Variants in ANOS1 observed in about 807,000 individuals in gnomAD.
ANOS1 encodes anosmin 1, also known as anosmin-1.
A neutral mutation model predicts 59.0 loss-of-function variants in ANOS1; 6 were observed. That is an observed-to-expected ratio of 0.10 (90% confidence interval 0.06 to 0.20). The LOEUF (loss-of-function observed/expected upper bound fraction) is 0.20. Ranked by LOEUF, ANOS1 falls within the 10% of genes least tolerant of loss-of-function variation. The pLI, the probability that ANOS1 is intolerant of heterozygous loss-of-function variation, is 1.00. For missense variants in ANOS1, 433 were observed against 542.3 expected, an observed-to-expected ratio of 0.80 and a Z score of 2.00; for synonymous variants, 217 against 223.4, an observed-to-expected ratio of 0.97 and a Z score of 0.25.
intron 3 of ANOS1, among the ~76,000 whole-genome samples, chrX:8,606,110 A>C (rs1369226428): frequency 4.6e-4 from 52 of 112,251 alleles, no homozygotes; most frequent in Admixed American, 4.6e-3. Context: ...AGTAATACTT[A>C]TAGAAGAAAA....
At chrX:8,629,814 G>T (rs1205979899) in intron 2 of ANOS1, among the ~76,000 whole-genome samples, 4 of 112,088 alleles carry the variant, frequency 3.6e-5, no homozygotes, top group Non-Finnish European at 7.5e-5. Flanking sequence ...AGCAAAAAAG[G>T]TTCACACGAA....
intron 4 of ANOS1, among the ~76,000 whole-genome samples, chrX:8,596,430 C>T (rs1401741517): frequency 2.3e-4 from 26 of 111,914 alleles, no homozygotes; most frequent in Non-Finnish European, 9.4e-5. Context: ...AAATGATCAG[C>T]AGCACTCGAT....
chrX:8,685,493 A>G (rs1175753544), intron 2 of ANOS1, among the ~76,000 whole-genome samples: 7 of 105,985 alleles, frequency 6.6e-5, no homozygotes, highest in South Asian at 4.4e-4. Context: ...AGAAAAGAAG[A>G]GAAGAGAAGA....
intron 8 of ANOS1, among the ~76,000 whole-genome samples, chrX:8,564,105 A>C (rs1930073548): frequency 8.9e-6 from 1 of 111,830 alleles, no homozygotes; most frequent in Admixed American, 9.5e-5. Flanking sequence ...CCAATGTCCA[A>C]GAGCCGGATG....
At position 8,539,715 on chromosome X, in the gene ANOS1, C is replaced by A. The variant is rs747674754; in HGVS notation, c.1398G>T (p.Ala466=). 8.3e-7 allele frequency: 1 copy of A among 1,211,299 alleles called. No individual in the cohort carries two copies. Among genetic ancestry groups the A allele is most frequent in the South Asian group, 1.8e-5 (1 of 56,949 alleles). Reference sequence around the variant, plus strand: ...ATCCGGTTGTTCTGTTGTGGGCACACGCTTCAGGAAACCACCGCACATGAT... The same window carrying A: ...ATCCGGTTGTTCTGTTGTGGGCACAAGCTTCAGGAAACCACCGCACATGAT... ...NRYHVRWFPE[A]CAHNRTTGSE... Residue 466 remains alanine, a synonymous_variant, in exon 10 of 14, where the codon GCG becomes GCT. Transcript: ENST00000262648.
At chrX:8,601,377 C>T (rs945709143) in intron 3 of ANOS1, among the ~76,000 whole-genome samples, 9 of 110,719 alleles carry the variant, frequency 8.1e-5, no homozygotes, top group Non-Finnish European at 1.7e-4. Context: ...ATCCTGTATT[C>T]GTATATTATT....
chrX:8,693,776 T>C (rs1282553703), intron 2 of ANOS1, among the ~76,000 whole-genome samples: 2 of 99,363 alleles, frequency 2.0e-5, no homozygotes, highest in Admixed American at 2.2e-4. Flanking sequence ...TCTCACTCTG[T>C]CGCCAGGCTG....
At chrX:8,704,992 T>A (rs777694905) in intron 1 of ANOS1, among the ~76,000 whole-genome samples, 34 of 111,613 alleles carry the variant, frequency 3.0e-4, no homozygotes, top group African/African-American at 1.0e-3. Context: ...AAAATACAAA[T>A]AAAACTTGCA....
chrX:8,683,470 C>T (rs778081018), intron 2 of ANOS1, among the ~76,000 whole-genome samples: 1 of 110,788 alleles, frequency 9.0e-6, no homozygotes, highest in African/African-American at 3.3e-5. Context: ...AGAAGATGTC[C>T]ATTTAAATCA....
At chrX:8,592,091 A>G (rs1300527790) in intron 4 of ANOS1, among the ~76,000 whole-genome samples, 1 of 112,114 alleles carries the variant, frequency 8.9e-6, no homozygotes, top group Non-Finnish European at 1.9e-5. Flanking sequence ...ATCAATTAGG[A>G]TAAGCAATCT....
chrX:8,555,452 GA>G (rs895048665), intron 8 of ANOS1, among the ~76,000 whole-genome samples: 58 of 111,172 alleles, frequency 5.2e-4, no homozygotes, highest in Non-Finnish European at 1.5e-4. Flanking sequence ...CTGGTTTTTT[GA>G]AAACATTAAC....
chrX:8,623,559 A>G, intron 3 of ANOS1, 49 bp downstream of exon 3: 1 of 931,014 alleles, frequency 1.1e-6, no homozygotes, highest in Non-Finnish European at 1.6e-6. Flanking sequence ...CCACGTAAGC[A>G]TAGTCAGATT....
At chrX:8,699,554 G>A in intron 2 of ANOS1, 144 bp downstream of exon 2, 2 of 407,882 alleles carry the variant, frequency 4.9e-6, no homozygotes, top group Non-Finnish European at 8.6e-6. Flanking sequence ...TTTTGATATT[G>A]TTTACAATTA....
chrX:8,666,794 C>G (rs994366504), intron 2 of ANOS1, among the ~76,000 whole-genome samples: 15 of 111,779 alleles, frequency 1.3e-4, no homozygotes, highest in South Asian at 3.8e-4. Context: ...TCCCCTTCAA[C>G]TTTGCATTTC....
intron 8 of ANOS1, among the ~76,000 whole-genome samples, chrX:8,557,590 G>T (rs1378377783): frequency 8.9e-6 from 1 of 112,355 alleles, no homozygotes; most frequent in Non-Finnish European, 1.9e-5. Flanking sequence ...ACCATCACTG[G>T]TCATTAGAGA....
intron 2 of ANOS1, among the ~76,000 whole-genome samples, chrX:8,626,465 A>G (rs1029645038): frequency 3.6e-5 from 4 of 111,959 alleles, no homozygotes; most frequent in African/African-American, 1.3e-4. Flanking sequence ...GCCCCAAGTT[A>G]CAGTGCTTAC....
At chrX:8,685,663 A>AAAGG (rs1308297796) in intron 2 of ANOS1, among the ~76,000 whole-genome samples, 8 of 106,806 alleles carry the variant, frequency 7.5e-5, no homozygotes, top group African/African-American at 2.8e-4. Context: ...AAAGAAAAAG[A>AAAGG]AAGGAAGGAA....
At chrX:8,712,093 G>A (rs1164682513) in intron 1 of ANOS1, among the ~76,000 whole-genome samples, 1 of 111,917 alleles carries the variant, frequency 8.9e-6, no homozygotes, top group Non-Finnish European at 1.9e-5. Context: ...TTGTCTCTCG[G>A]TTCTGGAGGC....
chrX:8,536,087 A>G (rs1373777576), intron 11 of ANOS1, among the ~76,000 whole-genome samples: 1 of 108,868 alleles, frequency 9.2e-6, no homozygotes, highest in East Asian at 2.9e-4. Flanking sequence ...GCAGGAGAGC[A>G]GTTTAGACCC....
Sources: allele counts gnomAD v4.1 joint callset (sites outside exome capture counted in the v4.1 genomes callset), GRCh38; gene constraint gnomAD v4.1.1; transcripts MANE v1.5; gene names NCBI Gene and HGNC (gene_info 2026-07-23, HGNC 2026-07-21).